The following IPO11 variants were observed in gnomAD, a reference collection of about 807,000 sequenced individuals.
IPO11 encodes importin-11.
In IPO11, 66 loss-of-function variants were observed where a neutral mutation model predicts 143.2. The observed-to-expected ratio is 0.46, with a 90% CI of 0.38 to 0.57. IPO11 has a LOEUF of 0.57. Among genes scored for constraint, IPO11 ranks in the 20% least tolerant of loss-of-function variants. IPO11 has a pLI of 0.00. For synonymous variants in IPO11, 385 were observed against 377.8 expected, an observed-to-expected ratio of 1.02 and a Z score of -0.22; for missense variants, 1,026 against 1,141.0, an observed-to-expected ratio of 0.90 and a Z score of 1.45.
At chr5:62,454,605 G>GT (rs956138945) in intron 5 of IPO11, among the ~76,000 whole-genome samples, 28 of 151,220 alleles carry the variant, frequency 1.9e-4, no homozygotes, top group South Asian at 8.4e-4. Context: ...CTTCTTGCTT[G>GT]TTTTTTTTTG....
intron 2 of IPO11, among the ~76,000 whole-genome samples, chr5:62,438,234 T>C (rs545122659): frequency 6.5e-4 from 99 of 152,276 alleles, no homozygotes; most frequent in African/African-American, 2.3e-3. Context: ...AAAGTTTGAG[T>C]TGTTTGTTAA....
At chr5:62,605,899 T>C (rs1265178440) in intron 29 of IPO11, among the ~76,000 whole-genome samples, 2 of 151,894 alleles carry the variant, frequency 1.3e-5, no homozygotes, top group Non-Finnish European at 2.9e-5. Flanking sequence ...CTACGCTAAT[T>C]TTTACATGTT....
chr5:62,557,446 G>A (rs1360170673), intron 26 of IPO11, among the ~76,000 whole-genome samples: 2 of 152,178 alleles, frequency 1.3e-5, no homozygotes, highest in African/African-American at 4.8e-5. Flanking sequence ...GCCTCCCAAA[G>A]TGCTGGGATT....
chr5:62,431,969 A>C lies in IPO11; in HGVS notation c.-6-5305A>C, dbSNP rs570193461. Among the ~76,000 whole-genome samples, 20 of 145,674 alleles carry C rather than the reference A, an allele frequency of 1.4e-4. No homozygotes were observed. The East Asian group carries it at 4.2e-3, about 30-fold the overall frequency. ...CATACATACATACATACATACATACATACGGCATGCAGACCTGTACCCTGC... is the reference window on the plus strand; with the variant it reads ...CATACATACATACATACATACATACCTACGGCATGCAGACCTGTACCCTGC... On this transcript the variant is annotated intron_variant, in intron 1 of 29. Coordinates refer to ENST00000325324, the MANE Select transcript of IPO11 (RefSeq NM_016338.5).
chr5:62,530,800 A>G lies in IPO11; in HGVS notation c.2089+15A>G. 8 of 1,580,434 alleles carry G rather than the reference A, an allele frequency of 5.1e-6. No individual in the cohort carries two copies. The highest frequency in any genetic ancestry group is 7.0e-6 in the Non-Finnish European group (8 of 1,151,028). On this transcript the variant is annotated intron_variant, in intron 22 of 29. Coordinates refer to ENST00000325324, the MANE Select transcript of IPO11 (RefSeq NM_016338.5). ...ACCACTTCTTGGTATGTGTTAAAGC[A>G]TAAACTTACTAATGTTTTTGAATGC...
At chr5:62,503,372 C>CTAT in intron 16 of IPO11, among the ~76,000 whole-genome samples, 1 of 65,176 alleles carries the variant, frequency 1.5e-5, no homozygotes, top group South Asian at 6.3e-4. Flanking sequence ...ATAGTATCTA[C>CTAT]TAATATATTA....
chr5:62,561,415 G>C (rs1010001996), intron 27 of IPO11, among the ~76,000 whole-genome samples, 158 bp downstream of exon 27: 1 of 151,714 alleles, frequency 6.6e-6, no homozygotes, highest in African/African-American at 2.4e-5. Flanking sequence ...ATGTTGGTCT[G>C]GATCCAGAAA....
chr5:62,621,892 C>T lies in IPO11; in HGVS notation c.2764-5262C>T, dbSNP rs967731975. ...TCAAACAATGATTAAAAAAAAAAGTCATCAACATTTCCTAGTATGCACACA... is the reference window on the plus strand; with the variant it reads ...TCAAACAATGATTAAAAAAAAAAGTTATCAACATTTCCTAGTATGCACACA... On this transcript the variant is annotated intron_variant, in intron 29 of 29. Transcript: ENST00000325324. Among the ~76,000 whole-genome samples the T allele has an allele frequency of 5.3e-5, 8 of 151,820 alleles. 1 individual carries two copies. Among genetic ancestry groups the T allele is most frequent in the Admixed American group, 4.6e-4 (7 of 15,244 alleles).
intron 12 of IPO11, 48 bp from the exon 13 acceptor site, chr5:62,487,723 A>G: frequency 2.7e-6 from 4 of 1,473,522 alleles, no homozygotes; most frequent in Non-Finnish European, 3.6e-6. Flanking sequence ...ATTAGTCAAT[A>G]TAGTATGCAA....
intron 26 of IPO11, among the ~76,000 whole-genome samples, chr5:62,554,077 C>T (rs1468568053): frequency 6.6e-6 from 1 of 152,120 alleles, no homozygotes; most frequent in African/African-American, 2.4e-5. Context: ...CGTATGTCTT[C>T]GTTTGAGAGC....
At chr5:62,596,411 T>C (rs1745220925) in intron 28 of IPO11, among the ~76,000 whole-genome samples, 2 of 152,106 alleles carry the variant, frequency 1.3e-5, no homozygotes, top group South Asian at 4.1e-4. Flanking sequence ...TATTTGAAAC[T>C]ATTCTGTAGT....
intron 20 of IPO11, among the ~76,000 whole-genome samples, chr5:62,517,206 GA>G (rs990656273): frequency 2.1e-5 from 3 of 145,158 alleles, no homozygotes; most frequent in East Asian, 2.0e-4. Context: ...TCAAAAAAAA[GA>G]AAAAAAAATA....
chr5:62,414,742 A>G (rs1312334011), intron 1 of IPO11, among the ~76,000 whole-genome samples: 1 of 152,222 alleles, frequency 6.6e-6, no homozygotes, highest in Non-Finnish European at 1.5e-5. Context: ...CAATTTTAAC[A>G]AGTTATCTAG....
At chr5:62,532,411 G>A (rs1028625221) in intron 22 of IPO11, among the ~76,000 whole-genome samples, 9 of 152,124 alleles carry the variant, frequency 5.9e-5, no homozygotes, top group Non-Finnish European at 1.2e-4. Flanking sequence ...AGGCTGGAGT[G>A]CAGTGGCTCA....
At chr5:62,479,603 T>C (rs185155217) in intron 9 of IPO11, among the ~76,000 whole-genome samples, 9 of 152,280 alleles carry the variant, frequency 5.9e-5, no homozygotes, top group African/African-American at 2.2e-4. Context: ...GCACCTGTTG[T>C]TTCCTGACTT....
chr5:62,548,751 G>C (rs537382098), intron 24 of IPO11, among the ~76,000 whole-genome samples: 23 of 152,224 alleles, frequency 1.5e-4, no homozygotes. Context: ...AAGTAAATCT[G>C]GTTGCTTCTG....
At chr5:62,518,555 A>G (rs1197731302) in intron 20 of IPO11, among the ~76,000 whole-genome samples, 7 of 152,260 alleles carry the variant, frequency 4.6e-5, no homozygotes, top group Middle Eastern at 3.4e-3. Context: ...CAGAGGTTGC[A>G]GTGAGCCAAG....
intron 1 of IPO11, among the ~76,000 whole-genome samples, chr5:62,414,032 C>T (rs1561299967): frequency 1.3e-5 from 2 of 152,320 alleles, no homozygotes; most frequent in Admixed American, 1.3e-4. Flanking sequence ...ATAGTAGTGG[C>T]TTGTGGCCAT....
At chr5:62,448,459 T>C (rs1409826049) in intron 3 of IPO11, among the ~76,000 whole-genome samples, 1 of 152,226 alleles carries the variant, frequency 6.6e-6, no homozygotes, top group East Asian at 1.9e-4. Flanking sequence ...AGTTTTACTC[T>C]AAAATGTTTA....
Sources: allele counts gnomAD v4.1 joint callset (sites outside exome capture counted in the v4.1 genomes callset), GRCh38; gene constraint gnomAD v4.1.1; transcripts MANE v1.5; gene names NCBI Gene and HGNC (gene_info 2026-07-23, HGNC 2026-07-21).